ERICH6B: variants seen among roughly 807,000 people sequenced by gnomAD.
The protein encoded by ERICH6B is glutamate-rich protein 6B.
A neutral mutation model predicts 80.0 loss-of-function variants in ERICH6B; 69 were observed. The observed-to-expected ratio is 0.86, with a 90% CI of 0.71 to 1.05. The LOEUF (loss-of-function observed/expected upper bound fraction) is 1.05. Ranked by LOEUF, ERICH6B falls within the 50% of genes least tolerant of loss-of-function variation. The pLI is 0.00. For missense variants in ERICH6B, 754 were observed against 796.1 expected (o/e 0.95, Z 0.64); for synonymous variants, 283 against 291.9 (o/e 0.97, Z 0.31).
At chr13:45,580,686 G>A in intron 5 of ERICH6B, 21 bp from the exon 6 acceptor site, 1 of 1,550,954 alleles carries the variant, frequency 6.4e-7, no homozygotes, top group Non-Finnish European at 8.7e-7. Context: ...GCAGAAGAGG[G>A]TGGCTATTAA....
intron 1 of ERICH6B, among the ~76,000 whole-genome samples, chr13:45,608,929 T>C (rs776201715): frequency 9.2e-5 from 14 of 152,194 alleles, no homozygotes; most frequent in Admixed American, 2.6e-4. Context: ...ATGAAGAAGC[T>C]TGGAGTCACC....
intron 8 of ERICH6B, 30 bp downstream of exon 8, chr13:45,574,808 TGGGG>T: frequency 2.3e-6 from 3 of 1,328,770 alleles, no homozygotes; most frequent in Non-Finnish European, 3.1e-6. Flanking sequence ...TGGAGGAAGC[TGGGG>T]GGGGGGTCTC....
intron 4 of ERICH6B, among the ~76,000 whole-genome samples, chr13:45,587,688 C>A (rs960611253): frequency 6.6e-6 from 1 of 152,184 alleles, no homozygotes; most frequent in Non-Finnish European, 1.5e-5. Context: ...CCACCACCAT[C>A]AAAAAGGCTT....
rs547331588 is a variant in ERICH6B at position 45,575,006 on chromosome 13, A to G, written c.962-76T>C. 3.9e-5 allele frequency: 36 copies of G among 933,694 alleles called. No homozygotes were observed. The African/African-American group carries it at 5.5e-4, about 14-fold the overall frequency. The allele number at this position is 933,694 out of a possible 1,614,324, so 57.8% of individuals were successfully genotyped here. A position where few individuals can be genotyped will look rare whatever the true frequency, so the allele number is the denominator to read the frequency against. ...CAAAAACATAAAAAATTTAAAAAGA[A>G]TAGAAATAGATTGATGGTATTTACC... On this transcript the variant is annotated intron_variant, in intron 7 of 14. Transcript: ENST00000298738.
intron 14 of ERICH6B, among the ~76,000 whole-genome samples, chr13:45,542,236 G>A (rs991475320): frequency 6.6e-6 from 1 of 152,202 alleles, no homozygotes; most frequent in Non-Finnish European, 1.5e-5. Flanking sequence ...ATACCCGTGT[G>A]CTCCATTCGT....
intron 2 of ERICH6B, among the ~76,000 whole-genome samples, chr13:45,603,683 G>C (rs1032852675): frequency 2.6e-5 from 4 of 152,116 alleles, no homozygotes; most frequent in Admixed American, 2.0e-4. Flanking sequence ...CAGTGCCTCA[G>C]TGAGGCATGC....
intron 11 of ERICH6B, among the ~76,000 whole-genome samples, chr13:45,554,134 G>A (rs1006854435): frequency 1.3e-5 from 2 of 151,964 alleles, no homozygotes; most frequent in Admixed American, 1.3e-4. Flanking sequence ...ACACCTCCCC[G>A]TTTCCCTACT....
chr13:45,597,359 A>T (rs937160346), intron 2 of ERICH6B, among the ~76,000 whole-genome samples: 2 of 152,254 alleles, frequency 1.3e-5, no homozygotes, highest in African/African-American at 4.8e-5. Flanking sequence ...CTGCTAGAGA[A>T]GATTTTTATT....
Position 45,569,001 on chromosome 13 carries a change from C to T in ERICH6B, c.1051-550G>A, listed in dbSNP as rs58969979. On this transcript the variant is annotated intron_variant, in intron 8 of 14. Transcript: ENST00000298738. ...TTTCTGCATTCTACAAATGGCCAAG[C>T]TCCCAATGGTGATTTATTTATTCAA... 9.4e-3 allele frequency among the ~76,000 whole-genome samples: 1,425 copies of T among 152,288 alleles called. 25 individuals carry two copies. The highest frequency in any genetic ancestry group is 0.033 in the African/African-American group (1,360 of 41,546).
chr13:45,556,021 C>A (rs1278851037), intron 11 of ERICH6B, among the ~76,000 whole-genome samples: 1 of 149,946 alleles, frequency 6.7e-6, no homozygotes, highest in Non-Finnish European at 1.5e-5. Flanking sequence ...TCATTTCATA[C>A]ATGCCTAGGC....
At chr13:45,589,766 C>A (rs998707739) in intron 4 of ERICH6B, among the ~76,000 whole-genome samples, 9 of 152,162 alleles carry the variant, frequency 5.9e-5, no homozygotes, top group African/African-American at 1.9e-4. Context: ...TGAGTGTCAG[C>A]GATTGGGGTG....
At chr13:45,542,794 G>A (rs538375246) in intron 14 of ERICH6B, among the ~76,000 whole-genome samples, 2 of 152,308 alleles carry the variant, frequency 1.3e-5, no homozygotes, top group South Asian at 2.1e-4. Flanking sequence ...CTGCAAAATA[G>A]GAGGCCTTCC....
intron 4 of ERICH6B, among the ~76,000 whole-genome samples, chr13:45,587,535 C>T (rs943149280): frequency 1.1e-4 from 16 of 152,340 alleles, no homozygotes; most frequent in Admixed American, 1.0e-3. Context: ...TCCTTCCTCC[C>T]TGGCTCAAAA....
intron 14 of ERICH6B, among the ~76,000 whole-genome samples, chr13:45,542,620 G>A (rs951325473): frequency 7.9e-5 from 12 of 152,196 alleles, no homozygotes; most frequent in African/African-American, 2.2e-4. Context: ...TCCTGTCCCT[G>A]CCCTCCTCCC....
In ERICH6B at chr13:45,596,762, C is replaced by T. The variant is rs1566303915; in HGVS notation, c.244G>A (p.Glu82Lys). The T allele has an allele frequency of 1.3e-6, 2 of 1,551,552 alleles. No individual in the cohort carries two copies. The highest frequency in any genetic ancestry group is 1.7e-6 in the Non-Finnish European group (2 of 1,146,974). ...EYLGKEEYLK[E>K]EEYLGKEEHL... ...TCTTCCTTCCCCAGATACTCTTCCT[C>T]CTTCAAGTATTCTTCTTTCCCCAGA... Residue 82 changes from glutamate (E) to lysine (K), a missense_variant, in exon 3 of 15, where the codon GAG becomes AAG. Glu to Lys is a moderately conservative substitution (Grantham distance 56). Transcript: ENST00000298738.
chr13:45,567,985 T>C (rs1285447151), intron 9 of ERICH6B, among the ~76,000 whole-genome samples: 1 of 152,236 alleles, frequency 6.6e-6, no homozygotes, highest in Non-Finnish European at 1.5e-5. Context: ...CCTAGACTTT[T>C]GTACAAGTTC....
intron 8 of ERICH6B, among the ~76,000 whole-genome samples, 190 bp from the exon 9 acceptor site, chr13:45,568,641 C>T (rs1444920491): frequency 6.6e-6 from 1 of 152,110 alleles, no homozygotes; most frequent in Non-Finnish European, 1.5e-5. Context: ...GGGCTTAATA[C>T]CTAGGTGATG....
At chr13:45,591,862 A>C (rs1876169689) in intron 3 of ERICH6B, among the ~76,000 whole-genome samples, 2 of 152,196 alleles carry the variant, frequency 1.3e-5, no homozygotes, top group African/African-American at 4.8e-5. Flanking sequence ...ATGTCTTTCT[A>C]CTTTTTACTG....
Position 45,574,845 on chromosome 13 carries a change from T to G in ERICH6B, c.1047A>C (p.Glu349Asp), listed in dbSNP as rs191884890. 2.9e-4 allele frequency: 446 copies of G among 1,550,938 alleles called. 3 individuals carry two copies. In the African/African-American group the frequency reaches 5.4e-3, roughly 19 times the overall value. Reference protein sequence around the residue: ...IDKLEVEDLDENFLNSSYQTV... With the variant: ...IDKLEVEDLDDNFLNSSYQTV... ...CTCAAGTTTTTATCCAACTTACGTT[T>G]TCATCTAAATCTTCCACTTCCAGCT... Residue 349 changes from glutamate (E) to aspartate (D), a missense_variant, in exon 8 of 15, where the codon GAA becomes GAC. Transcript: ENST00000298738.
Sources: gnomAD v4.1 joint callset for allele counts (sites outside exome capture counted in the v4.1 genomes callset) on GRCh38, gnomAD v4.1.1 for gene constraint, MANE v1.5 for transcripts, NCBI Gene and HGNC (gene_info 2026-07-23, HGNC 2026-07-21) for gene names.